NUBPL: variants seen among roughly 807,000 people sequenced by gnomAD.
NUBPL encodes NUBP iron-sulfur cluster assembly factor, mitochondrial, also known as iron-sulfur cluster transfer protein NUBPL.
Under a neutral mutation model 45.7 loss-of-function variants are expected in NUBPL, and 31 were observed. The ratio of observed to expected loss-of-function variants is 0.68; its 90% CI spans 0.51 to 0.92. The LOEUF (loss-of-function observed/expected upper bound fraction) is 0.92, where lower values mean the gene tolerates loss of function less well. Ranked by LOEUF, NUBPL falls within the 40% of genes least tolerant of loss-of-function variation. The pLI is 0.00. For missense variants in NUBPL, 401 were observed against 398.7 expected (o/e 1.01, Z -0.05); for synonymous variants, 144 against 140.9 (o/e 1.02, Z -0.15).
chr14:31,724,220 C>G (rs1163056520), intron 6 of NUBPL, among the ~76,000 whole-genome samples: 1 of 152,044 alleles, frequency 6.6e-6, no homozygotes, highest in African/African-American at 2.4e-5. Context: ...TAAGAGAAAC[C>G]AACAGCCTGA....
chr14:31,649,410 A>T (rs917739159), intron 4 of NUBPL, among the ~76,000 whole-genome samples: 1 of 152,232 alleles, frequency 6.6e-6, no homozygotes, highest in Non-Finnish European at 1.5e-5. Context: ...AATTGAAGAT[A>T]ATTGTTTAGG....
At chr14:31,830,447 A>C (rs892835005) in intron 8 of NUBPL, among the ~76,000 whole-genome samples, 1 of 152,168 alleles carries the variant, frequency 6.6e-6, no homozygotes, top group Non-Finnish European at 1.5e-5. Context: ...AAAAGCCATG[A>C]TTATTTTTTT....
chr14:31,613,144 A>G (rs1259034448), intron 4 of NUBPL, among the ~76,000 whole-genome samples: 3 of 152,232 alleles, frequency 2.0e-5, no homozygotes, highest in Non-Finnish European at 2.9e-5. Flanking sequence ...ATTTGCAACA[A>G]CATGGATGGA....
intron 4 of NUBPL, among the ~76,000 whole-genome samples, chr14:31,640,814 G>C (rs543184526): frequency 6.6e-6 from 1 of 151,994 alleles, no homozygotes; most frequent in East Asian, 1.9e-4. Flanking sequence ...TGGGGACATC[G>C]ATCACCTTAA....
chr14:31,691,062 GA>G (rs768968938), intron 6 of NUBPL, among the ~76,000 whole-genome samples: 7,193 of 24,026 alleles, frequency 0.3, 217 homozygotes, highest in Admixed American at 0.39. Flanking sequence ...CATTTTTAGA[GA>G]AAAAAAAATC....
intron 7 of NUBPL, among the ~76,000 whole-genome samples, chr14:31,797,979 C>T (rs1179137952): frequency 1.4e-5 from 2 of 146,244 alleles, no homozygotes; most frequent in African/African-American, 5.2e-5. Context: ...TATTTTATTT[C>T]TCCTTCACTT....
At chr14:31,766,709 C>T (rs1181336919) in intron 6 of NUBPL, among the ~76,000 whole-genome samples, 1 of 152,064 alleles carries the variant, frequency 6.6e-6, no homozygotes, top group Admixed American at 6.6e-5. Flanking sequence ...TCTCTGGTAC[C>T]CCAAAAGCCA....
chr14:31,845,178 C>A (rs1239137115), intron 8 of NUBPL: 2 of 152,078 alleles, frequency 1.3e-5, no homozygotes, highest in Admixed American at 6.6e-5. Flanking sequence ...AAGTGGACCC[C>A]CCACAGTTCA....
chr14:31,679,012 T>C (rs570046731), intron 6 of NUBPL, among the ~76,000 whole-genome samples: 32 of 152,156 alleles, frequency 2.1e-4, no homozygotes, highest in Non-Finnish European at 4.3e-4. Flanking sequence ...GTCCATATGC[T>C]TCCTCTGTGT....
At chr14:31,782,538 C>T (rs1208298125) in intron 6 of NUBPL, among the ~76,000 whole-genome samples, 1 of 152,126 alleles carries the variant, frequency 6.6e-6, no homozygotes, top group African/African-American at 2.4e-5. Context: ...CACCTGTAAT[C>T]CCAGCACTTT....
At chr14:31,631,125 T>A (rs964084175) in intron 4 of NUBPL, among the ~76,000 whole-genome samples, 1 of 152,148 alleles carries the variant, frequency 6.6e-6, no homozygotes, top group Admixed American at 6.5e-5. Context: ...ATAGAGCTCA[T>A]CTCACTTGTT....
intron 6 of NUBPL, among the ~76,000 whole-genome samples, chr14:31,691,022 A>G (rs1244420886): frequency 2.0e-5 from 3 of 152,214 alleles, no homozygotes; most frequent in Admixed American, 2.0e-4. Context: ...TAAAGCAAAC[A>G]GAGGAAGAAG....
chr14:31,798,301 TG>T (rs1364126633), intron 7 of NUBPL, among the ~76,000 whole-genome samples: 1,628 of 109,906 alleles, frequency 0.015, 32 homozygotes, highest in African/African-American at 0.058. Flanking sequence ...TATTTATTTA[TG>T]GTTTTTTTTT....
intron 4 of NUBPL, among the ~76,000 whole-genome samples, chr14:31,649,442 G>A (rs775662361): frequency 4.6e-5 from 7 of 152,178 alleles, no homozygotes; most frequent in Non-Finnish European, 8.8e-5. Context: ...TGTAATGATT[G>A]AACATGAAGA....
chr14:31,571,324 CAAA>C (rs879374297), intron 3 of NUBPL, among the ~76,000 whole-genome samples: 1 of 134,164 alleles, frequency 7.5e-6, no homozygotes, highest in Non-Finnish European at 1.6e-5. Flanking sequence ...TATGATCTGT[CAAA>C]AAAAAAAAAA....
intron 6 of NUBPL, among the ~76,000 whole-genome samples, chr14:31,685,878 C>T (rs1393179725): frequency 2.0e-5 from 3 of 152,144 alleles, no homozygotes; most frequent in African/African-American, 7.2e-5. Flanking sequence ...AATTTATAGG[C>T]TTTCTATTCC....
chr14:31,669,499 A>G (rs578032247), intron 4 of NUBPL, among the ~76,000 whole-genome samples: 2 of 151,208 alleles, frequency 1.3e-5, no homozygotes, highest in African/African-American at 2.4e-5. Context: ...TTGTGAGTAC[A>G]TATGAAGGTT....
At chr14:31,842,807 T>G (rs1183392208) in intron 8 of NUBPL, among the ~76,000 whole-genome samples, 1 of 152,124 alleles carries the variant, frequency 6.6e-6, no homozygotes, top group African/African-American at 2.4e-5. Flanking sequence ...AATATATGTA[T>G]GAAATATATT....
At chr14:31,842,628 A>G (rs1176306251) in intron 8 of NUBPL, among the ~76,000 whole-genome samples, 1 of 152,080 alleles carries the variant, frequency 6.6e-6, no homozygotes, top group African/African-American at 2.4e-5. Context: ...CAGGTGTGTG[A>G]TACCACACCT....
Sources: gnomAD v4.1 joint callset for allele counts (sites outside exome capture counted in the v4.1 genomes callset) on GRCh38, gnomAD v4.1.1 for gene constraint, MANE v1.5 for transcripts, NCBI Gene and HGNC (gene_info 2026-07-23, HGNC 2026-07-21) for gene names.